CSMD1: variants seen among roughly 807,000 people sequenced by gnomAD.
CSMD1 encodes the protein CUB and sushi domain-containing protein 1.
CSMD1 carries 213 observed loss-of-function variants against 417.5 expected under a neutral mutation model. That is an observed-to-expected ratio of 0.51 (90% confidence interval 0.46 to 0.57). The LOEUF (loss-of-function observed/expected upper bound fraction) is 0.57, where lower values mean the gene tolerates loss of function less well. CSMD1 is among the 20% of genes least tolerant of loss of function. The probability of loss-of-function intolerance (pLI) is 0.00; values close to 1 mark genes in which losing one functional copy is unlikely to be tolerated. For missense variants in CSMD1, 6,923 were observed against 4,529.7 expected (o/e 1.53, Z -15.17); for synonymous variants, 2,862 against 1,736.8 (o/e 1.65, Z -16.11).
intron 1 of CSMD1, among the ~76,000 whole-genome samples, chr8:4,640,465 A>T (rs1487748622): frequency 1.3e-5 from 2 of 152,238 alleles, no homozygotes; most frequent in African/African-American, 4.8e-5. Flanking sequence ...CATAAAATCC[A>T]CAAAGATATA....
rs1363265343 is a variant in CSMD1 at position 4,414,467 on chromosome 8, T to G, written c.415+5486A>C. The stretch of plus-strand genomic sequence containing the variant: ...ATACTGATCCCTCATTTTCTGTTTG[T>G]GAGGATTAAATTTCATATCCTATAC... On this transcript the variant is annotated intron_variant, in intron 3 of 69. Transcript: ENST00000635120. Among the ~76,000 whole-genome samples the G allele has an allele frequency of 2.6e-5, 4 of 152,196 alleles. No individual in the cohort carries two copies. The East Asian group carries it at 5.8e-4, about 22-fold the overall frequency.
intron 3 of CSMD1, among the ~76,000 whole-genome samples, chr8:4,237,739 T>C (rs1006522759): frequency 6.6e-6 from 1 of 152,142 alleles, no homozygotes; most frequent in Admixed American, 6.5e-5. Context: ...TCTCAAATTC[T>C]TGGGCTCAAG....
chr8:3,963,998 T>C (rs1421421475), intron 5 of CSMD1, among the ~76,000 whole-genome samples: 2 of 151,962 alleles, frequency 1.3e-5, no homozygotes, highest in Non-Finnish European at 2.9e-5. Flanking sequence ...AGTTGAAGCA[T>C]CCCCAGAATG....
At chr8:4,128,378 G>T (rs1312604314) in intron 3 of CSMD1, among the ~76,000 whole-genome samples, 1 of 152,182 alleles carries the variant, frequency 6.6e-6, no homozygotes, top group Non-Finnish European at 1.5e-5. Context: ...ATGGTAAACA[G>T]TACCTTCGAT....
chr8:3,955,574 G>T (rs73176300), intron 5 of CSMD1, among the ~76,000 whole-genome samples: 2 of 152,072 alleles, frequency 1.3e-5, no homozygotes, highest in African/African-American at 2.4e-5. Flanking sequence ...ATATTCCATA[G>T]GAGATTGGTG....
At chr8:4,061,922 A>G (rs1208864146) in intron 3 of CSMD1, among the ~76,000 whole-genome samples, 1 of 152,196 alleles carries the variant, frequency 6.6e-6, no homozygotes, top group Admixed American at 6.5e-5. Context: ...TCAATTATGC[A>G]TTACTGACTA....
intron 5 of CSMD1, among the ~76,000 whole-genome samples, chr8:3,985,479 G>C (rs1328474142): frequency 1.1e-4 from 16 of 152,026 alleles, no homozygotes; most frequent in African/African-American, 3.1e-4. Context: ...GAACATAATT[G>C]CTGCTCAGAA....
chr8:3,643,545 A>G (rs1797414666), intron 7 of CSMD1, among the ~76,000 whole-genome samples: 1 of 151,924 alleles, frequency 6.6e-6, no homozygotes, highest in African/African-American at 2.4e-5. Context: ...TACTAAAAAT[A>G]CAAAAATTGG....
chr8:3,075,983 G>A (rs142026031), intron 49 of CSMD1, among the ~76,000 whole-genome samples: 5,694 of 151,208 alleles, frequency 0.038, 236 homozygotes, highest in African/African-American at 0.11. Context: ...CCTGGGAGGC[G>A]CAGCTTGCAG....
At position 3,411,857 on chromosome 8, in the gene CSMD1, T is replaced by C. The variant is rs530019592; in HGVS notation, c.1562-2252A>G. 2.2e-5 allele frequency among the ~76,000 whole-genome samples: 3 copies of C among 133,916 alleles called. No individual in the cohort carries two copies. The East Asian group carries it at 7.3e-4, about 32-fold the overall frequency. The allele number at this position is 133,916 out of a possible 152,430, so 87.9% of individuals were successfully genotyped here. A position where few individuals can be genotyped will look rare whatever the true frequency, so the allele number is the denominator to read the frequency against. On this transcript the variant is annotated intron_variant, in intron 12 of 69. Coordinates refer to ENST00000635120, the MANE Select transcript of CSMD1 (RefSeq NM_033225.6). The stretch of plus-strand genomic sequence containing the variant: ...ATGCACGTATATATGCACGTATATA[T>C]GCACGTATATATGCACGTATATATA...
chr8:2,951,429 G>A (rs1802624353), intron 65 of CSMD1, among the ~76,000 whole-genome samples, 154 bp from the exon 66 acceptor site: 1 of 152,172 alleles, frequency 6.6e-6, no homozygotes, highest in Admixed American at 6.6e-5. Flanking sequence ...GCTGTTCACA[G>A]CACGTGCAAA....
At chr8:4,278,319 A>T (rs896017261) in intron 3 of CSMD1, among the ~76,000 whole-genome samples, 2 of 152,168 alleles carry the variant, frequency 1.3e-5, no homozygotes, top group African/African-American at 4.8e-5. Flanking sequence ...TAGTGCTGGT[A>T]ATCTACAAAA....
At chr8:3,287,108 A>C (rs957692206) in intron 25 of CSMD1, among the ~76,000 whole-genome samples, 5 of 151,816 alleles carry the variant, frequency 3.3e-5, no homozygotes, top group African/African-American at 1.2e-4. Flanking sequence ...TGTTTTTATC[A>C]GGTTTGTCAA....
chr8:4,222,843 C>T (rs1345658654), intron 3 of CSMD1, among the ~76,000 whole-genome samples: 1 of 151,970 alleles, frequency 6.6e-6, no homozygotes, highest in African/African-American at 2.4e-5. Flanking sequence ...CTGAAAATAC[C>T]ATGAGGACAA....
chr8:4,021,982 G>C (rs780521064), intron 4 of CSMD1, among the ~76,000 whole-genome samples: 1 of 151,752 alleles, frequency 6.6e-6, no homozygotes, highest in Non-Finnish European at 1.5e-5. Flanking sequence ...GCCTAGGAAA[G>C]GATAGTTAGG....
intron 3 of CSMD1, among the ~76,000 whole-genome samples, chr8:4,078,179 T>G (rs1209255769): frequency 6.6e-6 from 1 of 152,220 alleles, no homozygotes; most frequent in Non-Finnish European, 1.5e-5. Context: ...CAGTTTGCTA[T>G]TTTCAACTCT....
intron 41 of CSMD1, among the ~76,000 whole-genome samples, chr8:3,121,286 T>G (rs912088716): frequency 6.6e-6 from 1 of 152,220 alleles, no homozygotes; most frequent in Non-Finnish European, 1.5e-5. Context: ...TATTTAACCT[T>G]TCAGCATCCC....
At chr8:4,405,098 G>C (rs1008258806) in intron 3 of CSMD1, among the ~76,000 whole-genome samples, 2 of 152,206 alleles carry the variant, frequency 1.3e-5, no homozygotes, top group Non-Finnish European at 2.9e-5. Flanking sequence ...GCGTTCAGAA[G>C]AGATTTTCAG....
chr8:3,958,726 G>C (rs1466909361), intron 5 of CSMD1, among the ~76,000 whole-genome samples: 6 of 152,148 alleles, frequency 3.9e-5, no homozygotes, highest in Non-Finnish European at 7.4e-5. Flanking sequence ...GGCTTTTGTG[G>C]TTTAAATACT....
Sources: allele counts gnomAD v4.1 joint callset (sites outside exome capture counted in the v4.1 genomes callset), GRCh38; gene constraint gnomAD v4.1.1; transcripts MANE v1.5; gene names NCBI Gene and HGNC (gene_info 2026-07-23, HGNC 2026-07-21).